Variants in GALNT14 observed in about 807,000 individuals in gnomAD.
GALNT14 encodes polypeptide N-acetylgalactosaminyltransferase 14, also known as UDP-GalNAc:polypeptide N-acetylgalactosaminyltransferase 14.
Under a neutral mutation model 77.5 loss-of-function variants are expected in GALNT14, and 60 were observed. The observed-to-expected ratio is 0.77, with a 90% CI of 0.63 to 0.96. The LOEUF (loss-of-function observed/expected upper bound fraction) is 0.96. Among genes scored for constraint, GALNT14 ranks in the 40% least tolerant of loss-of-function variants. GALNT14 has a pLI of 0.00. For synonymous variants in GALNT14, 280 were observed against 281.7 expected, an observed-to-expected ratio of 0.99 and a Z score of 0.06; for missense variants, 710 against 731.0, an observed-to-expected ratio of 0.97 and a Z score of 0.33.
intron 1 of GALNT14, among the ~76,000 whole-genome samples, chr2:31,028,495 C>T (rs1009621296): frequency 3.3e-5 from 5 of 152,242 alleles, no homozygotes; most frequent in South Asian, 2.1e-4. Flanking sequence ...CCACCAGGTC[C>T]GGTTAGCGGG....
chr2:31,072,590 C>A (rs1437338908), intron 1 of GALNT14, among the ~76,000 whole-genome samples: 1 of 152,136 alleles, frequency 6.6e-6, no homozygotes, highest in Non-Finnish European at 1.5e-5. Flanking sequence ...GGAACTCCTG[C>A]AGGTGAAGGA....
chr2:31,023,492 C>G (rs762573203), intron 1 of GALNT14, among the ~76,000 whole-genome samples: 8 of 152,142 alleles, frequency 5.3e-5, no homozygotes, highest in African/African-American at 1.9e-4. Context: ...GCCCCAGAAC[C>G]CTCTTCAGCA....
chr2:30,963,706 A>G (rs1667827163), intron 3 of GALNT14, among the ~76,000 whole-genome samples: 1 of 152,234 alleles, frequency 6.6e-6, no homozygotes, highest in Non-Finnish European at 1.5e-5. Flanking sequence ...GTAGTTAATA[A>G]CATGCCCCAG....
chr2:30,963,916 T>C (rs1376046585), intron 3 of GALNT14, among the ~76,000 whole-genome samples: 1 of 152,194 alleles, frequency 6.6e-6, no homozygotes, highest in Non-Finnish European at 1.5e-5. Flanking sequence ...CTCATTTCCT[T>C]GGTTAGGATA....
At chr2:31,069,281 A>C (rs17010645) in intron 1 of GALNT14, among the ~76,000 whole-genome samples, 21 of 152,194 alleles carry the variant, frequency 1.4e-4, no homozygotes, top group Admixed American at 1.3e-3. Flanking sequence ...CTAGTTATTT[A>C]CCACAAGGCC....
rs1356780047 is a variant in GALNT14 at position 30,945,822 on chromosome 2, T to C, written c.703A>G (p.Thr235Ala). The part of the protein sequence containing the change: ...CPVIDIINLD[T>A]FTYIESASEL... ...GAGGCAGACTCGATGTAGGTGAAGG[T>C]GTCCAGGTTAATGATATCGATCACA... Residue 235 changes from threonine to alanine, a missense_variant, in exon 7 of 15, where the codon ACC becomes GCC. By Grantham distance (58) the Thr-to-Ala change is moderately conservative. Transcript: ENST00000349752. 4 of 1,613,918 alleles carry C rather than the reference T, an allele frequency of 2.5e-6. No individual in the cohort carries two copies. Among genetic ancestry groups the C allele is most frequent in the Non-Finnish European group, 3.4e-6 (4 of 1,179,972 alleles).
chr2:30,961,679 ACTTT>A (rs1343688212), intron 3 of GALNT14, among the ~76,000 whole-genome samples: 2 of 149,660 alleles, frequency 1.3e-5, no homozygotes, highest in Admixed American at 6.6e-5. Flanking sequence ...ACTGGGTTAG[ACTTT>A]CTTTTTTTTT....
chr2:30,958,412 C>T lies in GALNT14; in HGVS notation c.451G>A (p.Asp151Asn), dbSNP rs750614784. Residue 151 changes from aspartate to asparagine, a missense_variant, in exon 4 of 15, where the codon GAC (aspartate) becomes AAC (asparagine). Physicochemically the swap from Asp to Asn is conservative, Grantham distance 23. Coordinates refer to ENST00000349752, the MANE Select transcript of GALNT14 (RefSeq NM_024572.4). ...HLIREIILVD[D>N]FSNDPDDCKQ... ...CATGACTTACGGTCATTGCTGAAGT[C>T]ATCCACTAATATGATTTCCCGGATC... 4.3e-6 allele frequency: 7 copies of T among 1,613,934 alleles called. No homozygotes were observed. Among genetic ancestry groups the T allele is most frequent in the Non-Finnish European group, 4.2e-6 (5 of 1,179,860 alleles).
intron 1 of GALNT14, among the ~76,000 whole-genome samples, chr2:31,120,595 C>T (rs943932019): frequency 1.3e-5 from 2 of 152,102 alleles, no homozygotes; most frequent in Non-Finnish European, 2.9e-5. Flanking sequence ...CTCACTCTGT[C>T]GCCCAGGCTG....
At chr2:31,099,568 T>C (rs755648022) in intron 1 of GALNT14, among the ~76,000 whole-genome samples, 9 of 152,110 alleles carry the variant, frequency 5.9e-5, no homozygotes, top group South Asian at 2.1e-4. Context: ...GAATCTTATC[T>C]TGGTGTATAC....
chr2:30,954,100 G>A (rs1667211413), intron 6 of GALNT14, among the ~76,000 whole-genome samples: 1 of 152,294 alleles, frequency 6.6e-6, no homozygotes, highest in Non-Finnish European at 1.5e-5. Flanking sequence ...GAGGAGGGGA[G>A]CCGTGGACGA....
At chr2:31,087,566 C>T (rs1380155590) in intron 1 of GALNT14, among the ~76,000 whole-genome samples, 1 of 148,452 alleles carries the variant, frequency 6.7e-6, no homozygotes, top group Non-Finnish European at 1.5e-5. Context: ...TTAGAAACAA[C>T]ACCACTGACT....
intron 2 of GALNT14, among the ~76,000 whole-genome samples, chr2:30,978,191 A>G (rs75941162): frequency 0.023 from 3,477 of 152,238 alleles, 145 homozygotes; most frequent in East Asian, 0.21. Context: ...CAACCTCCAC[A>G]AACCTCCCTA....
chr2:31,119,115 T>C (rs1678258149), intron 1 of GALNT14, among the ~76,000 whole-genome samples: 1 of 152,076 alleles, frequency 6.6e-6, no homozygotes, highest in Non-Finnish European at 1.5e-5. Flanking sequence ...AAAAATCATA[T>C]AAAAGTGGAA....
At chr2:30,908,217 C>G (rs1190480452), downstream of GALNT14, among the ~76,000 whole-genome samples, 1 of 151,162 alleles carries the variant, frequency 6.6e-6, no homozygotes, top group African/African-American at 2.4e-5. Flanking sequence ...CCAGGGCAAT[C>G]AGGCAGGAGA....
Position 30,924,685 on chromosome 2 carries a change from C to T in GALNT14, c.1235+55G>A. On this transcript the variant is annotated intron_variant, in intron 12 of 14. Transcript: ENST00000349752. ...TGTCTGTCTCTTCTCCAGACCAAGCCAGCTGAGGGCCTCTGCTTTCAGCCA... is the reference window on the plus strand; with the variant it reads ...TGTCTGTCTCTTCTCCAGACCAAGCTAGCTGAGGGCCTCTGCTTTCAGCCA... 3 of 1,476,346 alleles carry T rather than the reference C, an allele frequency of 2.0e-6. 1 individual carries two copies. The South Asian group carries it at 3.5e-5, about 17-fold the overall frequency. The allele number at this position is 1,476,346 out of a possible 1,614,324, so 91.5% of individuals were successfully genotyped here. A position where few individuals can be genotyped will look rare whatever the true frequency, so the allele number is the denominator to read the frequency against.
Position 31,138,099 on chromosome 2 carries a change from C to G in GALNT14, c.-13G>C. ...TCAGGCGCCGCATGGTCCCCTTTGCCGCTTCCTCTCCGCGGCGCTACGTCC... is the reference window on the plus strand; with the variant it reads ...TCAGGCGCCGCATGGTCCCCTTTGCGGCTTCCTCTCCGCGGCGCTACGTCC... On this transcript the variant is annotated 5_prime_UTR_variant, in exon 1 of 15. Coordinates refer to ENST00000349752, the MANE Select transcript of GALNT14 (RefSeq NM_024572.4). The G allele has an allele frequency of 6.2e-7, 1 of 1,613,534 alleles. No homozygotes were observed.
chr2:30,974,920 G>A (rs932419874), intron 2 of GALNT14, among the ~76,000 whole-genome samples: 2 of 152,224 alleles, frequency 1.3e-5, no homozygotes, highest in Non-Finnish European at 2.9e-5. Context: ...GGCAGGTGAG[G>A]CTTACTTGGG....
chr2:30,929,481 G>T lies in GALNT14; in HGVS notation c.1065C>A (p.Thr355=). ...CCATCCACACTTCAGCTGTCCGCTT[G>T]GTGTTCCTGGGAAAACAAGGAGTGA... The part of the protein sequence containing the change: ...DGNANTYIKN[T]KRTAEVWMDE... Residue 355 remains threonine (T), a synonymous_variant, in exon 11 of 15, where the codon ACC becomes ACA. Coordinates refer to ENST00000349752, the MANE Select transcript of GALNT14 (RefSeq NM_024572.4). 6.2e-7 allele frequency: 1 copy of T among 1,613,544 alleles called. No homozygotes were observed. Among genetic ancestry groups the T allele is most frequent in the Admixed American group, 1.7e-5 (1 of 59,994 alleles).
Sources: gnomAD v4.1 joint callset for allele counts (sites outside exome capture counted in the v4.1 genomes callset) on GRCh38, gnomAD v4.1.1 for gene constraint, MANE v1.5 for transcripts, NCBI Gene and HGNC (gene_info 2026-07-23, HGNC 2026-07-21) for gene names.